Variants in MAGI2 observed in about 807,000 individuals in gnomAD.
The protein encoded by MAGI2 is membrane-associated guanylate kinase, WW and PDZ domain-containing protein 2.
MAGI2 carries 35 observed loss-of-function variants against 133.3 expected under a neutral mutation model. That is an observed-to-expected ratio of 0.26 (90% CI 0.20 to 0.35). The LOEUF (loss-of-function observed/expected upper bound fraction) is 0.35, where lower values mean the gene tolerates loss of function less well. MAGI2 is among the 10% of genes least tolerant of loss of function. The pLI, the probability that MAGI2 is intolerant of heterozygous loss-of-function variation, is 1.00. For synonymous variants in MAGI2, 729 were observed against 710.6 expected, an observed-to-expected ratio of 1.03 and a Z score of -0.41; for missense variants, 1,636 against 1,863.4, an observed-to-expected ratio of 0.88 and a Z score of 2.25.
intron 9 of MAGI2, among the ~76,000 whole-genome samples, chr7:78,314,179 A>G (rs961724052): frequency 6.6e-6 from 1 of 152,206 alleles, no homozygotes; most frequent in African/African-American, 2.4e-5. Flanking sequence ...AAATGGCATT[A>G]GCCCAGAAGA....
At chr7:78,487,225 T>G (rs1199965275) in intron 6 of MAGI2, 1 of 230,626 alleles carries the variant, frequency 4.3e-6, no homozygotes, top group Non-Finnish European at 8.5e-6. Flanking sequence ...ACGGAGTTTC[T>G]AAGGCTGCAC....
chr7:79,275,332 T>C (rs945581522), intron 1 of MAGI2, among the ~76,000 whole-genome samples: 1 of 152,132 alleles, frequency 6.6e-6, no homozygotes, highest in Non-Finnish European at 1.5e-5. Context: ...GTATTAGTTG[T>C]CTGGATAGAT....
chr7:78,493,881 G>T (rs562319750), intron 5 of MAGI2, among the ~76,000 whole-genome samples: 33 of 152,254 alleles, frequency 2.2e-4, no homozygotes, highest in Middle Eastern at 3.4e-3. Flanking sequence ...ACAAAAGAGA[G>T]CACTGTGATT....
intron 1 of MAGI2, among the ~76,000 whole-genome samples, chr7:79,316,198 T>G (rs1209381492): frequency 6.6e-6 from 1 of 152,038 alleles, no homozygotes; most frequent in Non-Finnish European, 1.5e-5. Context: ...TTTTGGCAAA[T>G]TCTTCCCATC....
intron 1 of MAGI2, among the ~76,000 whole-genome samples, chr7:79,337,833 G>A (rs2129096821): frequency 6.6e-6 from 1 of 152,186 alleles, no homozygotes; most frequent in East Asian, 1.9e-4. Flanking sequence ...CTGCCACATG[G>A]GTAATTGAAC....
intron 2 of MAGI2, among the ~76,000 whole-genome samples, chr7:78,715,168 G>A (rs1401448851): frequency 1.3e-5 from 2 of 152,296 alleles, no homozygotes; most frequent in Non-Finnish European, 2.9e-5. Flanking sequence ...ATTCTTTAGA[G>A]ATTGGGAGAA....
At chr7:79,116,151 C>T (rs547745869) in intron 1 of MAGI2, among the ~76,000 whole-genome samples, 13 of 152,018 alleles carry the variant, frequency 8.6e-5, no homozygotes, top group Admixed American at 1.3e-4. Flanking sequence ...TCATCTTTTC[C>T]GTCAGTGTTT....
intron 2 of MAGI2, among the ~76,000 whole-genome samples, chr7:78,740,474 C>A (rs140825648): frequency 1.2e-3 from 176 of 152,286 alleles, no homozygotes; most frequent in African/African-American, 4.0e-3. Context: ...TCTTTAATCG[C>A]AGTATTATCT....
intron 1 of MAGI2, among the ~76,000 whole-genome samples, chr7:79,122,726 C>T (rs572704114): frequency 2.6e-5 from 4 of 151,476 alleles, no homozygotes; most frequent in African/African-American, 9.7e-5. Context: ...CTCACTGCAA[C>T]CTCCGCCTCC....
intron 1 of MAGI2, among the ~76,000 whole-genome samples, chr7:79,427,751 GA>G (rs1047043977): frequency 3.9e-4 from 60 of 152,178 alleles, no homozygotes; most frequent in Non-Finnish European, 6.3e-4. Context: ...GTGCAGTACG[GA>G]AAAAAAGTAG....
intron 6 of MAGI2, among the ~76,000 whole-genome samples, chr7:78,406,571 C>A (rs1797396510): frequency 6.6e-6 from 1 of 152,016 alleles, no homozygotes; most frequent in African/African-American, 2.4e-5. Flanking sequence ...GATAGAATGT[C>A]ATTTTCCTTG....
intron 1 of MAGI2, among the ~76,000 whole-genome samples, chr7:79,036,832 A>G (rs1024794526): frequency 3.9e-5 from 6 of 152,236 alleles, no homozygotes; most frequent in Non-Finnish European, 8.8e-5. Flanking sequence ...AAATTTTAAC[A>G]TTGGTGAATC....
chr7:78,288,171 T>TAAAA (rs1349571857), intron 9 of MAGI2, among the ~76,000 whole-genome samples: 2 of 152,222 alleles, frequency 1.3e-5, no homozygotes, highest in African/African-American at 4.8e-5. Flanking sequence ...GCAGTGCTTT[T>TAAAA]GCTCATTTCA....
In MAGI2 at chr7:78,063,680, C is replaced by CT. The variant is rs568860357; in HGVS notation, c.3706+15266dup. Among the ~76,000 whole-genome samples, 134 of 152,220 alleles carry CT rather than the reference C, an allele frequency of 8.8e-4. No homozygotes were observed. The Middle Eastern group carries it at 0.01, about 12-fold the overall frequency. On this transcript the variant is annotated intron_variant, in intron 21 of 21. Coordinates refer to ENST00000354212, the MANE Select transcript of MAGI2 (RefSeq NM_012301.4). Reference sequence around the variant, plus strand: ...TCTGCTTGGAAACAAACAGGCTTATCTTTTTTCCACTCTGGTGAAAGCAAT... The same window carrying CT: ...TCTGCTTGGAAACAAACAGGCTTATCTTTTTTTCCACTCTGGTGAAAGCAAT...
At chr7:79,444,815 T>C (rs1321323145) in intron 1 of MAGI2, among the ~76,000 whole-genome samples, 2 of 152,170 alleles carry the variant, frequency 1.3e-5, no homozygotes, top group Non-Finnish European at 2.9e-5. Flanking sequence ...AAAAAACTAC[T>C]TTAAAGTTCA....
chr7:78,990,271 G>A (rs939577205), intron 2 of MAGI2, among the ~76,000 whole-genome samples: 25 of 152,014 alleles, frequency 1.6e-4, no homozygotes, highest in Admixed American at 1.6e-3. Flanking sequence ...CAGTAGTTTA[G>A]TGTGTTATGT....
At chr7:78,680,223 C>A (rs1815495865) in intron 2 of MAGI2, among the ~76,000 whole-genome samples, 1 of 152,146 alleles carries the variant, frequency 6.6e-6, no homozygotes, top group Admixed American at 6.6e-5. Context: ...AACTCAAGAA[C>A]CATTAACATG....
intron 16 of MAGI2, among the ~76,000 whole-genome samples, chr7:78,159,419 C>T (rs1824740755): frequency 6.6e-6 from 1 of 152,196 alleles, no homozygotes. Flanking sequence ...TTTCAGTCCA[C>T]TGCTTAAAAC....
chr7:78,876,147 C>A (rs564440505), intron 2 of MAGI2, among the ~76,000 whole-genome samples: 1 of 151,514 alleles, frequency 6.6e-6, no homozygotes, highest in African/African-American at 2.4e-5. Flanking sequence ...ATGGTGAAAC[C>A]CTGTCTCTAC....
Sources: allele counts gnomAD v4.1 joint callset (sites outside exome capture counted in the v4.1 genomes callset), GRCh38; gene constraint gnomAD v4.1.1; transcripts MANE v1.5; gene names NCBI Gene and HGNC (gene_info 2026-07-23, HGNC 2026-07-21).